GRID1: variants seen among roughly 807,000 people sequenced by gnomAD.
GRID1 encodes glutamate ionotropic receptor delta type subunit 1, also known as glutamate receptor ionotropic, delta-1.
In GRID1, 28 loss-of-function variants were observed where a neutral mutation model predicts 98.0. The observed-to-expected ratio is 0.29, with a 90% CI of 0.21 to 0.39. The LOEUF is 0.39. GRID1 is among the 10% of genes least tolerant of loss of function. The probability of loss-of-function intolerance (pLI) is 1.00; values close to 1 mark genes in which losing one functional copy is unlikely to be tolerated. For missense variants in GRID1, 1,111 were observed against 1,340.5 expected (o/e 0.83, Z 2.67); for synonymous variants, 553 against 538.5 (o/e 1.03, Z -0.37).
intron 4 of GRID1, among the ~76,000 whole-genome samples, chr10:86,048,946 G>A (rs1308361895): frequency 6.6e-6 from 1 of 152,208 alleles, no homozygotes; most frequent in Non-Finnish European, 1.5e-5. Flanking sequence ...CCCAGAATGA[G>A]TGCAAGAACT....
intron 4 of GRID1, among the ~76,000 whole-genome samples, chr10:86,060,109 C>T (rs189945657): frequency 3.9e-5 from 6 of 152,262 alleles, no homozygotes; most frequent in African/African-American, 1.4e-4. Flanking sequence ...TGCTCCATAA[C>T]TGCCAGAAGG....
intron 15 of GRID1, among the ~76,000 whole-genome samples, chr10:85,604,220 T>G (rs1203779165): frequency 6.6e-6 from 1 of 152,148 alleles, no homozygotes; most frequent in African/African-American, 2.4e-5. Flanking sequence ...CGCACCTTTA[T>G]GAGTTCATGG....
chr10:85,932,442 C>A (rs1841868520), intron 4 of GRID1, among the ~76,000 whole-genome samples: 1 of 152,196 alleles, frequency 6.6e-6, no homozygotes, highest in Admixed American at 6.5e-5. Context: ...TCTCGAACTT[C>A]TGGACTCAGG....
chr10:86,012,366 T>TGC (rs1842931615), intron 4 of GRID1, among the ~76,000 whole-genome samples: 1 of 151,414 alleles, frequency 6.6e-6, no homozygotes, highest in South Asian at 2.1e-4. Flanking sequence ...AGGAGTAAAG[T>TGC]ACCTAGCACC....
intron 8 of GRID1, among the ~76,000 whole-genome samples, chr10:85,742,581 G>C (rs1841954932): frequency 1.3e-5 from 2 of 152,110 alleles, no homozygotes; most frequent in Admixed American, 1.3e-4. Flanking sequence ...TCTCCAACTA[G>C]AAGTGACAGA....
chr10:85,908,344 T>A (rs1841490594), intron 5 of GRID1, among the ~76,000 whole-genome samples: 1 of 152,192 alleles, frequency 6.6e-6, no homozygotes, highest in South Asian at 2.1e-4. Context: ...AGCAAAGTTC[T>A]AGGATACAAG....
At chr10:85,935,806 A>G (rs1471181994) in intron 4 of GRID1, among the ~76,000 whole-genome samples, 2 of 152,198 alleles carry the variant, frequency 1.3e-5, no homozygotes, top group Admixed American at 6.5e-5. Context: ...CACTTGTCCA[A>G]GGTAACAGAG....
At chr10:86,160,824 C>T (rs1008994096) in intron 3 of GRID1, among the ~76,000 whole-genome samples, 1 of 152,186 alleles carries the variant, frequency 6.6e-6, no homozygotes, top group East Asian at 1.9e-4. Context: ...AGGGTATAAG[C>T]GGTAAAGCAG....
At chr10:86,287,593 G>A (rs1310471563) in intron 2 of GRID1, among the ~76,000 whole-genome samples, 1 of 152,178 alleles carries the variant, frequency 6.6e-6, no homozygotes, top group Non-Finnish European at 1.5e-5. Flanking sequence ...CCTAGCCCCA[G>A]CCCTGACCAC....
intron 4 of GRID1, among the ~76,000 whole-genome samples, chr10:85,932,509 C>T (rs1841869281): frequency 6.6e-6 from 1 of 152,222 alleles, no homozygotes; most frequent in African/African-American, 2.4e-5. Context: ...CCCAGCCCTC[C>T]ATCCACTTTC....
intron 2 of GRID1, among the ~76,000 whole-genome samples, chr10:86,356,505 T>A (rs1332157926): frequency 6.6e-6 from 1 of 152,162 alleles, no homozygotes; most frequent in Non-Finnish European, 1.5e-5. Flanking sequence ...TAAGCAGAAG[T>A]GATGTGAGCA....
At chr10:86,092,634 C>T (rs1844165960) in intron 4 of GRID1, among the ~76,000 whole-genome samples, 1 of 152,268 alleles carries the variant, frequency 6.6e-6, no homozygotes, top group Middle Eastern at 3.4e-3. Flanking sequence ...CTAAAAGAGA[C>T]AAGGAGGGAC....
chr10:86,157,163 G>C (rs1845257647), intron 3 of GRID1, among the ~76,000 whole-genome samples: 1 of 152,188 alleles, frequency 6.6e-6, no homozygotes, highest in Non-Finnish European at 1.5e-5. Context: ...TACGAGTTCT[G>C]ATGGGGGCTT....
chr10:86,056,622 C>G (rs1843576187), intron 4 of GRID1, among the ~76,000 whole-genome samples: 1 of 152,232 alleles, frequency 6.6e-6, no homozygotes, highest in African/African-American at 2.4e-5. Flanking sequence ...ACCTGGGTGT[C>G]TCCTTTACAG....
At chr10:86,231,054 C>T (rs1846444155) in intron 2 of GRID1, among the ~76,000 whole-genome samples, 1 of 152,238 alleles carries the variant, frequency 6.6e-6, no homozygotes, top group Non-Finnish European at 1.5e-5. Context: ...AAGCACAACT[C>T]TGGCTCCAGC....
At chr10:85,607,483 G>A (rs891606778) in intron 15 of GRID1, among the ~76,000 whole-genome samples, 5 of 152,190 alleles carry the variant, frequency 3.3e-5, no homozygotes, top group Admixed American at 2.0e-4. Context: ...CCAACGGGCC[G>A]GGCTAGGGGT....
intron 4 of GRID1, among the ~76,000 whole-genome samples, chr10:85,934,413 GACAC>G (rs5786728): frequency 0.23 from 31,787 of 141,216 alleles, 3,696 homozygotes; most frequent in East Asian, 0.32. Context: ...GCAGAGATTG[GACAC>G]ACACACACAC....
chr10:86,350,683 T>C (rs1000381956), intron 2 of GRID1, among the ~76,000 whole-genome samples: 3 of 151,764 alleles, frequency 2.0e-5, no homozygotes, highest in African/African-American at 4.9e-5. Flanking sequence ...TAATTGTACA[T>C]ATTTATGGGG....
At chr10:85,696,229 C>A (rs901242831) in intron 12 of GRID1, among the ~76,000 whole-genome samples, 1 of 151,738 alleles carries the variant, frequency 6.6e-6, no homozygotes, top group South Asian at 2.1e-4. Context: ...GCATGTTAAA[C>A]AAAAGTAAGC....
Sources: gnomAD v4.1 joint callset for allele counts (sites outside exome capture counted in the v4.1 genomes callset) on GRCh38, gnomAD v4.1.1 for gene constraint, MANE v1.5 for transcripts, NCBI Gene and HGNC (gene_info 2026-07-23, HGNC 2026-07-21) for gene names.